Variants in CORO7 observed in about 807,000 individuals in gnomAD.
The protein encoded by CORO7 is coronin-7.
A neutral mutation model predicts 126.6 loss-of-function variants in CORO7; 107 were observed. The observed-to-expected ratio is 0.85, with a 90% confidence interval of 0.72 to 0.99. The LOEUF (loss-of-function observed/expected upper bound fraction) is 0.99. Among genes scored for constraint, CORO7 ranks in the 50% least tolerant of loss-of-function variants. The probability of loss-of-function intolerance (pLI) is 0.00; values close to 1 mark genes in which losing one functional copy is unlikely to be tolerated. For synonymous variants in CORO7, 603 were observed against 536.8 expected, an observed-to-expected ratio of 1.12 and a Z score of -1.70; for missense variants, 1,314 against 1,255.8, an observed-to-expected ratio of 1.05 and a Z score of -0.70.
chr16:4,369,227 G>A (rs991140043), intron 9 of CORO7, among the ~76,000 whole-genome samples: 1 of 152,280 alleles, frequency 6.6e-6, no homozygotes, highest in Non-Finnish European at 1.5e-5. Context: ...GGGGCATCCT[G>A]TCTGCCGTGG....
chr16:4,374,583 C>G (rs1015476171), intron 9 of CORO7, among the ~76,000 whole-genome samples: 11 of 152,168 alleles, frequency 7.2e-5, no homozygotes, highest in African/African-American at 2.4e-4. Context: ...GGGGCCCCTG[C>G]TGGCCCTGGG....
Position 4,361,037 on chromosome 16 carries a change from T to C in CORO7, c.1823A>G (p.Asn608Ser), listed in dbSNP as rs758392195. ...CSLRFHPLAA[N>S]VLASSSYDLT... ...GTCATAGGAGGACGAGGCCAGCACA[T>C]TGGCTGCCAGTGGGTGGAAGCGCAG... The change falls in exon 19 of 28, where the codon AAT becomes AGT. Residue 608 changes from asparagine (N) to serine (S), a missense_variant. Physicochemically the swap from Asn to Ser is conservative, Grantham distance 46. Transcript: ENST00000251166. 5 of 1,613,336 alleles carry C rather than the reference T, an allele frequency of 3.1e-6. No homozygotes were observed. Among genetic ancestry groups the C allele is most frequent in the Admixed American group, 1.7e-5 (1 of 60,026 alleles).
In CORO7 at chr16:4,355,320, T is replaced by C. The variant is rs777805278; in HGVS notation, c.2738A>G (p.Gln913Arg). ...KLGNREDPLP[Q>R]DSFEGVDEDE... is the part of the protein sequence containing the mutation. ...CTCGTCCACGCCTTCAAAGGAGTCC[T>C]GGGGGAGTGGGTCCTCCCGGTTCCC... Residue 913 changes from glutamine to arginine, a missense_variant, in exon 27 of 28, where the codon CAG becomes CGG. By Grantham distance (43) the Gln-to-Arg change is conservative. Coordinates refer to ENST00000251166, the MANE Select transcript of CORO7 (RefSeq NM_024535.5). 3 of 1,613,182 alleles carry C rather than the reference T, an allele frequency of 1.9e-6. No individual in the cohort carries two copies. The highest frequency in any genetic ancestry group is 2.5e-6 in the Non-Finnish European group (3 of 1,179,954).
At chr16:4,372,958 G>A (rs879904393) in intron 9 of CORO7, among the ~76,000 whole-genome samples, 3 of 152,154 alleles carry the variant, frequency 2.0e-5, no homozygotes, top group Admixed American at 1.3e-4. Context: ...GAGCCTCCAG[G>A]GCTGGGGATT....
chr16:4,388,474 T>G, intron 8 of CORO7, 71 bp downstream of exon 8: 1 of 1,537,500 alleles, frequency 6.5e-7, no homozygotes, highest in Non-Finnish European at 8.8e-7. Flanking sequence ...CCCATTGGTT[T>G]CGTCCCCGCC....
At chr16:4,378,863 T>G (rs2054847532) in intron 9 of CORO7, among the ~76,000 whole-genome samples, 1 of 152,000 alleles carries the variant, frequency 6.6e-6, no homozygotes, top group South Asian at 2.1e-4. Flanking sequence ...TGAAGGGTGC[T>G]TGTTGTCGCT....
At chr16:4,371,508 G>T (rs1029078187) in intron 9 of CORO7, among the ~76,000 whole-genome samples, 1 of 152,222 alleles carries the variant, frequency 6.6e-6, no homozygotes, top group Non-Finnish European at 1.5e-5. Flanking sequence ...CTCCAGGGCC[G>T]CAGAGGCCCT....
chr16:4,378,106 C>T (rs1328195991), intron 9 of CORO7, among the ~76,000 whole-genome samples: 1 of 152,200 alleles, frequency 6.6e-6, no homozygotes, highest in Non-Finnish European at 1.5e-5. Context: ...CAGCACGTGC[C>T]CCTAAGAGCT....
intron 3 of CORO7, among the ~76,000 whole-genome samples, chr16:4,408,769 C>T (rs151249431): frequency 4.8e-4 from 73 of 152,302 alleles, no homozygotes; most frequent in Non-Finnish European, 9.0e-4. Flanking sequence ...TCAAGACCAG[C>T]CTGGGCAACA....
Position 4,355,276 on chromosome 16 carries a change from C to T in CORO7, c.2772+10G>A. On this transcript the variant is annotated intron_variant, in intron 27 of 27. Coordinates refer to ENST00000251166, the MANE Select transcript of CORO7 (RefSeq NM_024535.5). ...CTGCCTGCCGGGAAGTGAGGCCACTCACTACTCACCCACTCGTCCTCGTCC... is the reference window on the plus strand; with the variant it reads ...CTGCCTGCCGGGAAGTGAGGCCACTTACTACTCACCCACTCGTCCTCGTCC... 6.2e-7 allele frequency: 1 copy of T among 1,613,314 alleles called. No homozygotes were observed. Among genetic ancestry groups the T allele is most frequent in the Non-Finnish European group, 8.5e-7 (1 of 1,179,858 alleles).
At chr16:4,408,912 G>A (rs774235119) in intron 3 of CORO7, among the ~76,000 whole-genome samples, 15 of 152,180 alleles carry the variant, frequency 9.9e-5, no homozygotes, top group Non-Finnish European at 2.2e-4. Flanking sequence ...GGAGTGAGCA[G>A]AGATCACACC....
At chr16:4,410,424 C>T (rs1348137382) in intron 3 of CORO7, among the ~76,000 whole-genome samples, 1 of 152,152 alleles carries the variant, frequency 6.6e-6, no homozygotes, top group African/African-American at 2.4e-5. Flanking sequence ...GAGACCCTGT[C>T]TCTAAAAAGA....
chr16:4,381,297 G>C (rs1179178884), intron 9 of CORO7: 1 of 1,612,360 alleles, frequency 6.2e-7, no homozygotes. Flanking sequence ...GCCACATCCA[G>C]CCTGGTGCCT....
intron 9 of CORO7, among the ~76,000 whole-genome samples, chr16:4,374,161 C>T (rs982842625): frequency 7.6e-5 from 9 of 118,164 alleles, no homozygotes; most frequent in African/African-American, 1.3e-4. Context: ...TCTGTGTGCG[C>T]GTGACTGGAG....
At chr16:4,411,017 GC>G (rs1324862574) in intron 3 of CORO7, among the ~76,000 whole-genome samples, 1 of 152,216 alleles carries the variant, frequency 6.6e-6, no homozygotes, top group East Asian at 1.9e-4. Context: ...CTGCAAAGGG[GC>G]ATGCGGGATC....
chr16:4,381,884 G>C, intron 9 of CORO7: 1 of 1,604,966 alleles, frequency 6.2e-7, no homozygotes, highest in Admixed American at 1.7e-5. Flanking sequence ...AAGAACGCTG[G>C]CCGGCTGCTC....
chr16:4,392,193 C>A (rs1312336447), intron 7 of CORO7, among the ~76,000 whole-genome samples: 1 of 152,186 alleles, frequency 6.6e-6, no homozygotes, highest in Non-Finnish European at 1.5e-5. Context: ...GGGGCTGCCA[C>A]TTTCCCAGAA....
In CORO7 at chr16:4,399,154, T is replaced by A. The variant is rs2055709600; in HGVS notation, c.565-3815A>T. Among the ~76,000 whole-genome samples, 3 of 152,104 alleles carry A rather than the reference T, an allele frequency of 2.0e-5. No individual in the cohort carries two copies. In the South Asian group the frequency reaches 6.2e-4, roughly 31 times the overall value. On this transcript the variant is annotated intron_variant, in intron 6 of 27. Coordinates refer to ENST00000251166, the MANE Select transcript of CORO7 (RefSeq NM_024535.5). ...CTTCTGGGTACATATCCAAAAGAAC[T>A]GAAAGCAGGCCATGAAGAGATATTT...
intron 25 of CORO7, 129 bp downstream of exon 25, chr16:4,357,839 C>T (rs1442913214): frequency 1.4e-6 from 2 of 1,461,380 alleles, no homozygotes; most frequent in African/African-American, 1.4e-5. Context: ...CTGATTGACA[C>T]AGCCACTCCA....
Sources: allele counts gnomAD v4.1 joint callset (sites outside exome capture counted in the v4.1 genomes callset), GRCh38; gene constraint gnomAD v4.1.1; transcripts MANE v1.5; gene names NCBI Gene and HGNC (gene_info 2026-07-23, HGNC 2026-07-21).